FAM3B: variants seen among roughly 807,000 people sequenced by gnomAD.
FAM3B encodes the protein protein FAM3B.
FAM3B carries 29 observed loss-of-function variants against 28.4 expected under a neutral mutation model. The observed-to-expected ratio is 1.02, with a 90% CI of 0.76 to 1.39. The LOEUF (loss-of-function observed/expected upper bound fraction) is 1.39, where lower values mean the gene tolerates loss of function less well. Ranked by LOEUF, FAM3B falls within the 40% of genes most tolerant of loss-of-function variation. The pLI is 0.00. For synonymous variants in FAM3B, 91 were observed against 103.0 expected (o/e 0.88, Z 0.71); for missense variants, 266 against 293.9 (o/e 0.91, Z 0.69).
chr21:41,346,745 C>T (rs2089064317), intron 5 of FAM3B, among the ~76,000 whole-genome samples: 1 of 152,142 alleles, frequency 6.6e-6, no homozygotes, highest in Non-Finnish European at 1.5e-5. Context: ...TCTTGACCCC[C>T]TTTCACTACT....
chr21:41,316,705 C>A, upstream of FAM3B: 2 of 484,056 alleles, frequency 4.1e-6, no homozygotes, highest in South Asian at 5.5e-5. Context: ...CACGCCCGCC[C>A]CGCGCACCTG....
At chr21:41,343,921 C>T (rs980206700) in intron 3 of FAM3B, among the ~76,000 whole-genome samples, 5 of 152,082 alleles carry the variant, frequency 3.3e-5, no homozygotes, top group African/African-American at 4.8e-5. Context: ...AGTTCAAGAC[C>T]GCCCTGAGCA....
intron 7 of FAM3B, among the ~76,000 whole-genome samples, chr21:41,349,824 A>G (rs1160636786): frequency 1.3e-5 from 2 of 151,752 alleles, no homozygotes; most frequent in Non-Finnish European, 2.9e-5. Context: ...TTATTTTAGC[A>G]TGCATCTACA....
upstream of FAM3B, among the ~76,000 whole-genome samples, chr21:41,312,043 G>T (rs962562894): frequency 2.0e-5 from 3 of 152,096 alleles, no homozygotes; most frequent in Admixed American, 6.5e-5. Flanking sequence ...CATGAGAACC[G>T]CACAGGAAAG....
At chr21:41,354,590 A>G (rs2089148577) in intron 7 of FAM3B, among the ~76,000 whole-genome samples, 1 of 152,190 alleles carries the variant, frequency 6.6e-6, no homozygotes, top group African/African-American at 2.4e-5. Flanking sequence ...CAGAAAATCA[A>G]GTGTCACACA....
At chr21:41,317,902 A>C (rs1172672050) in intron 1 of FAM3B, among the ~76,000 whole-genome samples, 2 of 152,154 alleles carry the variant, frequency 1.3e-5, no homozygotes, top group Non-Finnish European at 2.9e-5. Flanking sequence ...TTCCTTAAAA[A>C]CTATAAATGA....
chr21:41,346,999 G>A lies in FAM3B; in HGVS notation c.398-14G>A. On this transcript the variant is annotated splice_polypyrimidine_tract_variant and intron_variant, in intron 5 of 7. Coordinates refer to ENST00000357985, the MANE Select transcript of FAM3B (RefSeq NM_058186.4). ...ACAGCAAAGACCCTAAAACTGACTT[G>A]CATCCCCCAATAGATAACTCTGGAC... The A allele has an allele frequency of 6.2e-7, 1 of 1,613,430 alleles. No individual in the cohort carries two copies. Among genetic ancestry groups the A allele is most frequent in the Non-Finnish European group, 8.5e-7 (1 of 1,179,396 alleles).
chr21:41,309,545 T>C (rs1276628936), intron 1 of FAM3B, among the ~76,000 whole-genome samples: 2 of 152,230 alleles, frequency 1.3e-5, no homozygotes, highest in Non-Finnish European at 2.9e-5. Flanking sequence ...TCAAACCATC[T>C]AAAACTTTGG....
chr21:41,350,784 C>T (rs2089111439), intron 7 of FAM3B, among the ~76,000 whole-genome samples: 2 of 152,232 alleles, frequency 1.3e-5, no homozygotes, highest in Non-Finnish European at 2.9e-5. Flanking sequence ...CCCTTAACAG[C>T]GTCCTCCGAC....
chr21:41,316,838 G>A lies in FAM3B; in HGVS notation c.-42G>A. The A allele has an allele frequency of 1.4e-6, 2 of 1,433,710 alleles. No homozygotes were observed. Among genetic ancestry groups the A allele is most frequent in the South Asian group, 2.8e-5 (2 of 71,222 alleles). The allele number at this position is 1,433,710 out of a possible 1,614,324, so 88.8% of individuals were successfully genotyped here. On this transcript the variant is annotated 5_prime_UTR_variant, in exon 1 of 8. Transcript: ENST00000357985. ...GGGGCTCCGCTGGCTGCGGTCGCCT[G>A]GGAGCTGCCGCCAGGGCCAGGAGGG...
chr21:41,345,540 C>T, intron 4 of FAM3B, 146 bp from the exon 5 acceptor site: 1 of 549,706 alleles, frequency 1.8e-6, no homozygotes. Context: ...AGGGGCCCGC[C>T]CTGTCTCTGC....
intron 2 of FAM3B, among the ~76,000 whole-genome samples, chr21:41,336,498 G>A (rs2088957069): frequency 6.6e-6 from 1 of 152,118 alleles, no homozygotes; most frequent in African/African-American, 2.4e-5. Context: ...CTCCAGCCTG[G>A]GTGACAGAGT....
chr21:41,337,943 G>A (rs1028350273), intron 2 of FAM3B, among the ~76,000 whole-genome samples: 2 of 152,058 alleles, frequency 1.3e-5, no homozygotes, highest in African/African-American at 2.4e-5. Context: ...GTTGTGTGAT[G>A]TGTGTGTGTT....
At chr21:41,356,227 T>C (rs1254316611) in intron 7 of FAM3B, among the ~76,000 whole-genome samples, 1 of 152,226 alleles carries the variant, frequency 6.6e-6, no homozygotes, top group Non-Finnish European at 1.5e-5. Context: ...GCCCTATTCA[T>C]ATTTCAAGTA....
At chr21:41,313,820 T>TG (rs2088728879), upstream of FAM3B, among the ~76,000 whole-genome samples, 1 of 152,056 alleles carries the variant, frequency 6.6e-6, no homozygotes, top group African/African-American at 2.4e-5. Context: ...TTGTTGTTGT[T>TG]TTGCTGAGTT....
chr21:41,346,930 C>A, intron 5 of FAM3B, 83 bp from the exon 6 acceptor site: 1 of 1,165,344 alleles, frequency 8.6e-7, no homozygotes, highest in Non-Finnish European at 1.3e-6. Flanking sequence ...ACACAGAATG[C>A]AGGTGCAGGA....
upstream of FAM3B, among the ~76,000 whole-genome samples, chr21:41,313,723 C>G (rs950881628): frequency 2.6e-5 from 4 of 151,160 alleles, no homozygotes; most frequent in Non-Finnish European, 5.9e-5. Context: ...TTGATCCATT[C>G]TTGAACCTCA....
upstream of FAM3B, among the ~76,000 whole-genome samples, chr21:41,312,722 A>AGTGTGTGTGT (rs10580404): frequency 0.016 from 2,365 of 148,282 alleles, 30 homozygotes; most frequent in East Asian, 0.053. Context: ...TGTGTGTGAG[A>AGTGTGTGTGT]GTGTGTGTGT....
At chr21:41,311,659 A>C (rs768185385) in intron 1 of FAM3B, among the ~76,000 whole-genome samples, 20 of 152,126 alleles carry the variant, frequency 1.3e-4, no homozygotes, top group Non-Finnish European at 2.5e-4. Flanking sequence ...AGCAGAAGAC[A>C]GCTGGATTCT....
Sources: allele counts gnomAD v4.1 joint callset (sites outside exome capture counted in the v4.1 genomes callset), GRCh38; gene constraint gnomAD v4.1.1; transcripts MANE v1.5; gene names NCBI Gene and HGNC (gene_info 2026-07-23, HGNC 2026-07-21).